ZFHX4: variants seen among roughly 807,000 people sequenced by gnomAD.
ZFHX4 encodes zinc finger homeobox protein 4.
ZFHX4 carries 56 observed loss-of-function variants against 267.6 expected under a neutral mutation model. The observed-to-expected ratio is 0.21, with a 90% CI of 0.17 to 0.26. The LOEUF (loss-of-function observed/expected upper bound fraction) is 0.26. Among genes scored for constraint, ZFHX4 ranks in the 10% least tolerant of loss-of-function variants. ZFHX4 has a pLI of 1.00. For missense variants in ZFHX4, 4,332 were observed against 4,420.0 expected (o/e 0.98, Z 0.56); for synonymous variants, 1,778 against 1,665.6 (o/e 1.07, Z -1.64).
intron 1 of ZFHX4, chr8:76,682,994 C>A (rs1807583841): frequency 6.6e-6 from 1 of 152,130 alleles, no homozygotes; most frequent in Non-Finnish European, 1.5e-5. Context: ...CAGAAGGTTC[C>A]CTATTCTAAT....
At chr8:76,752,137 C>T (rs538455619) in intron 3 of ZFHX4, among the ~76,000 whole-genome samples, 17 of 152,016 alleles carry the variant, frequency 1.1e-4, no homozygotes, top group Admixed American at 5.2e-4. Flanking sequence ...CAATCCTTTA[C>T]GGGACATCAG....
At chr8:76,727,210 T>C (rs1429234508) in intron 3 of ZFHX4, among the ~76,000 whole-genome samples, 2 of 152,044 alleles carry the variant, frequency 1.3e-5, no homozygotes, top group Non-Finnish European at 2.9e-5. Context: ...GACAAGGGTG[T>C]TAACCTTCAG....
intron 4 of ZFHX4, among the ~76,000 whole-genome samples, chr8:76,793,226 A>C (rs1810885919): frequency 6.6e-6 from 1 of 152,058 alleles, no homozygotes; most frequent in Admixed American, 6.6e-5. Context: ...TCTATCTTTG[A>C]TTAGGGGTGA....
chr8:76,732,138 G>C (rs1191002104), intron 3 of ZFHX4, among the ~76,000 whole-genome samples: 1 of 151,910 alleles, frequency 6.6e-6, no homozygotes, highest in Admixed American at 6.6e-5. Context: ...CACCACACCT[G>C]ACCATGATCA....
At chr8:76,687,881 G>A (rs1284844664) in intron 1 of ZFHX4, among the ~76,000 whole-genome samples, 1 of 152,098 alleles carries the variant, frequency 6.6e-6, no homozygotes, top group African/African-American at 2.4e-5. Flanking sequence ...GTTGAATAGG[G>A]TCCTGAATGG....
At chr8:76,807,953 A>T (rs1811284759) in intron 4 of ZFHX4, among the ~76,000 whole-genome samples, 2 of 152,170 alleles carry the variant, frequency 1.3e-5, no homozygotes, top group Admixed American at 1.3e-4. Flanking sequence ...TGATAAAAAT[A>T]AATTATAAAA....
chr8:76,854,502 G>C lies in ZFHX4; in HGVS notation c.7581G>C (p.Pro2527=). ...LAAQNQFLHS[P]FLERPMDMPY... Reference sequence around the variant, plus strand: ...CTCAAAACCAATTCCTTCACTCTCCGTTCTTGGAAAGGCCCATGGACATGC... The same window carrying C: ...CTCAAAACCAATTCCTTCACTCTCCCTTCTTGGAAAGGCCCATGGACATGC... The change falls in exon 10 of 11, where the codon CCG becomes CCC. Residue 2527 remains proline, a synonymous_variant. Coordinates refer to ENST00000651372, the MANE Select transcript of ZFHX4 (RefSeq NM_024721.5). The C allele has an allele frequency of 5.6e-6, 9 of 1,613,548 alleles. No homozygotes were observed. The South Asian group carries it at 7.7e-5, about 14-fold the overall frequency.
At position 76,705,815 on chromosome 8, in the gene ZFHX4, A is replaced by C. The variant is rs879561961; in HGVS notation, c.1727A>C (p.Glu576Ala). ...KDSATAAHPS[E>A]IARGDEDSSA... is the part of the protein sequence containing the mutation. Reference sequence around the variant, plus strand: ...AGTGCCACAGCTGCTCATCCAAGTGAAATAGCCCGGGGAGACGAAGACAGT... The same window carrying C: ...AGTGCCACAGCTGCTCATCCAAGTGCAATAGCCCGGGGAGACGAAGACAGT... Residue 576 changes from glutamate (E) to alanine (A), a missense_variant, in exon 2 of 11, where the codon GAA becomes GCA. Glu to Ala is a moderately radical substitution (Grantham distance 107). This residue lies in a region of ZFHX4 where 1,195 missense variants were observed against 1,173.6 expected (regional missense o/e 1.02). Coordinates refer to ENST00000651372, the MANE Select transcript of ZFHX4 (RefSeq NM_024721.5). The C allele has an allele frequency of 2.5e-6, 4 of 1,613,934 alleles. No homozygotes were observed. The highest frequency in any genetic ancestry group is 3.4e-6 in the Non-Finnish European group (4 of 1,179,872).
chr8:76,862,773 C>T (rs946769251), intron 10 of ZFHX4, among the ~76,000 whole-genome samples: 1 of 152,086 alleles, frequency 6.6e-6, no homozygotes, highest in African/African-American at 2.4e-5. Flanking sequence ...TTGGAAGGAA[C>T]CACTATAGTT....
intron 4 of ZFHX4, among the ~76,000 whole-genome samples, chr8:76,797,861 G>A: frequency 6.6e-6 from 1 of 151,098 alleles, no homozygotes. Context: ...GGTATAATTT[G>A]TGGAGTTTTG....
chr8:76,736,966 A>G (rs1449178187), intron 3 of ZFHX4, among the ~76,000 whole-genome samples: 1 of 152,176 alleles, frequency 6.6e-6, no homozygotes, highest in African/African-American at 2.4e-5. Flanking sequence ...GACACTACAA[A>G]CATGAGCATT....
Position 76,720,349 on chromosome 8 carries a change from T to A in ZFHX4, c.3093+12301T>A, listed in dbSNP as rs150709138. ...CTGTGCAGTAGCATGTATCAGCAGTTCATTCCTTTTTATTACCAAATTTTC... is the reference window on the plus strand; with the variant it reads ...CTGTGCAGTAGCATGTATCAGCAGTACATTCCTTTTTATTACCAAATTTTC... On this transcript the variant is annotated intron_variant, in intron 3 of 10. Coordinates refer to ENST00000651372, the MANE Select transcript of ZFHX4 (RefSeq NM_024721.5). Among the ~76,000 whole-genome samples the A allele has an allele frequency of 5.4e-3, 829 of 152,298 alleles. 16 individuals carry two copies. Among genetic ancestry groups the A allele is most frequent in the African/African-American group, 0.018 (769 of 41,574 alleles).
intron 4 of ZFHX4, among the ~76,000 whole-genome samples, chr8:76,827,065 A>G (rs529903209): frequency 1.2e-4 from 18 of 152,332 alleles, no homozygotes; most frequent in African/African-American, 3.8e-4. Context: ...ATAAAGAGAA[A>G]TTTTGATGAA....
chr8:76,755,844 G>T (rs1158504720), intron 3 of ZFHX4, among the ~76,000 whole-genome samples: 1 of 152,074 alleles, frequency 6.6e-6, no homozygotes, highest in Non-Finnish European at 1.5e-5. Context: ...GTTAAGCTCA[G>T]CATTGCTATA....
At chr8:76,808,275 T>C (rs919902042) in intron 4 of ZFHX4, among the ~76,000 whole-genome samples, 1 of 152,138 alleles carries the variant, frequency 6.6e-6, no homozygotes, top group African/African-American at 2.4e-5. Context: ...CTTTGAAAAA[T>C]AGCCCCTCTT....
At chr8:76,711,386 T>C (rs1435328654) in intron 3 of ZFHX4, among the ~76,000 whole-genome samples, 1 of 152,158 alleles carries the variant, frequency 6.6e-6, no homozygotes, top group Non-Finnish European at 1.5e-5. Flanking sequence ...GCCCATAATC[T>C]TTACTTTTAA....
Position 76,705,171 on chromosome 8 carries a change from C to A in ZFHX4, c.1083C>A (p.Arg361=). The change falls in exon 2 of 11, where the codon CGC becomes CGA. Residue 361 remains arginine (R), a synonymous_variant. Coordinates refer to ENST00000651372, the MANE Select transcript of ZFHX4 (RefSeq NM_024721.5). The part of the protein sequence containing the change: ...TNLIGPDPTF[R]GLWSAFHVEN... ...TCATAGGACCCGATCCAACCTTCCG[C>A]GGTTTATGGAGCGCTTTTCATGTTG... The A allele has an allele frequency of 6.2e-7, 1 of 1,613,868 alleles. No individual in the cohort carries two copies. Among genetic ancestry groups the A allele is most frequent in the East Asian group, 2.2e-5 (1 of 44,872 alleles).
At chr8:76,729,696 G>A (rs1470498189) in intron 3 of ZFHX4, among the ~76,000 whole-genome samples, 1 of 151,960 alleles carries the variant, frequency 6.6e-6, no homozygotes, top group Admixed American at 6.6e-5. Context: ...GCTCTTTGTT[G>A]TATGTTATAA....
intron 6 of ZFHX4, among the ~76,000 whole-genome samples, chr8:76,846,728 C>T (rs929159388): frequency 6.6e-6 from 1 of 151,758 alleles, no homozygotes; most frequent in African/African-American, 2.4e-5. Flanking sequence ...TTTTTTGATC[C>T]CTGACAGTCT....
Sources: allele counts gnomAD v4.1 joint callset (sites outside exome capture counted in the v4.1 genomes callset), GRCh38; gene constraint gnomAD v4.1.1; regional missense constraint gnomAD v4.1.1; transcripts MANE v1.5; gene names NCBI Gene and HGNC (gene_info 2026-07-23, HGNC 2026-07-21).